JAZF1: variants seen among roughly 807,000 people sequenced by gnomAD.
JAZF1 encodes juxtaposed with another zinc finger protein 1.
Under a neutral mutation model 26.4 loss-of-function variants are expected in JAZF1, and 8 were observed. The observed-to-expected ratio is 0.30, with a 90% confidence interval of 0.18 to 0.55. JAZF1 has a LOEUF of 0.55. Among genes scored for constraint, JAZF1 ranks in the 20% least tolerant of loss-of-function variants. JAZF1 has a pLI of 0.94. For missense variants in JAZF1, 199 were observed against 322.0 expected (o/e 0.62, Z 2.92); for synonymous variants, 126 against 122.3 (o/e 1.03, Z -0.20).
chr7:27,853,488 G>A (rs1043363760), intron 3 of JAZF1, among the ~76,000 whole-genome samples: 2 of 152,176 alleles, frequency 1.3e-5, no homozygotes, highest in African/African-American at 4.8e-5. Flanking sequence ...GTCCTGTCCA[G>A]AGTTGGTTCT....
intron 1 of JAZF1, among the ~76,000 whole-genome samples, chr7:28,004,107 G>A (rs1192101248): frequency 2.0e-5 from 3 of 152,118 alleles, no homozygotes; most frequent in Admixed American, 6.6e-5. Flanking sequence ...TAGTGTAGAA[G>A]TATCAGCTTT....
chr7:28,034,103 T>C (rs1583520872), intron 1 of JAZF1, among the ~76,000 whole-genome samples: 1 of 152,000 alleles, frequency 6.6e-6, no homozygotes, highest in Non-Finnish European at 1.5e-5. Context: ...CCAATACCTC[T>C]CTAAAAAAAA....
intron 1 of JAZF1, among the ~76,000 whole-genome samples, chr7:27,997,391 A>G (rs1786038548): frequency 6.6e-6 from 1 of 152,184 alleles, no homozygotes; most frequent in Non-Finnish European, 1.5e-5. Flanking sequence ...CCCAATAACA[A>G]TGGTAACCAG....
chr7:27,976,471 G>A (rs1253673805), intron 2 of JAZF1, among the ~76,000 whole-genome samples: 1 of 151,790 alleles, frequency 6.6e-6, no homozygotes, highest in Non-Finnish European at 1.5e-5. Flanking sequence ...TTCAACTGAT[G>A]TCCATAAAAA....
Position 28,142,470 on chromosome 7 carries a change from C to T in JAZF1, c.115+37993G>A, listed in dbSNP as rs151276419. 1.1e-4 allele frequency among the ~76,000 whole-genome samples: 17 copies of T among 152,330 alleles called. No individual in the cohort carries two copies. The East Asian group carries it at 3.1e-3, about 28-fold the overall frequency. On this transcript the variant is annotated intron_variant, in intron 1 of 4. Coordinates refer to ENST00000283928, the MANE Select transcript of JAZF1 (RefSeq NM_175061.4). ...CTTTAAAATAAAGACTTAGGGAGCA[C>T]TGACCACCAGGAGTCAGAAATAAGT...
intron 4 of JAZF1, among the ~76,000 whole-genome samples, chr7:27,837,361 C>T (rs1782834935): frequency 6.6e-6 from 1 of 152,228 alleles, no homozygotes. Context: ...GCCTGGAACG[C>T]CTCTGGGAAG....
At chr7:28,001,636 A>C (rs745576140) in intron 1 of JAZF1, among the ~76,000 whole-genome samples, 14 of 152,230 alleles carry the variant, frequency 9.2e-5, no homozygotes, top group African/African-American at 1.2e-4. Context: ...GGTGGCAAGA[A>C]GTCAGTGGGG....
intron 1 of JAZF1, chr7:28,180,238 C>A (rs1200003257): frequency 7.2e-6 from 1 of 138,644 alleles, no homozygotes; most frequent in Non-Finnish European, 1.6e-5. Context: ...CGCCCGCCCG[C>A]CCGCGGCACC....
At chr7:28,082,669 A>C (rs1385433236) in intron 1 of JAZF1, among the ~76,000 whole-genome samples, 4 of 152,102 alleles carry the variant, frequency 2.6e-5, no homozygotes, top group Non-Finnish European at 5.9e-5. Context: ...ATGTCCCACC[A>C]GACACCCATG....
intron 1 of JAZF1, among the ~76,000 whole-genome samples, chr7:28,085,009 G>A (rs1784192725): frequency 6.6e-6 from 1 of 152,136 alleles, no homozygotes; most frequent in Admixed American, 6.6e-5. Context: ...GTCCCCACTT[G>A]GAGGAAGGCC....
At chr7:28,073,979 TA>T (rs34830661) in intron 1 of JAZF1, among the ~76,000 whole-genome samples, 56,638 of 148,190 alleles carry the variant, frequency 0.38, 11,732 homozygotes, top group Admixed American at 0.55. Context: ...TTTACTTAGT[TA>T]AAAAAAAAAA....
At chr7:27,915,918 T>G (rs918971605) in intron 2 of JAZF1, among the ~76,000 whole-genome samples, 10 of 152,218 alleles carry the variant, frequency 6.6e-5, no homozygotes, top group Non-Finnish European at 1.2e-4. Context: ...AAGAGAAGAT[T>G]TGATTCTGAA....
At chr7:28,090,804 CTT>C (rs1784281783) in intron 1 of JAZF1, among the ~76,000 whole-genome samples, 1 of 145,134 alleles carries the variant, frequency 6.9e-6, no homozygotes, top group South Asian at 2.2e-4. Context: ...ATTCCACAGA[CTT>C]TTTTTTAGTT....
rs747779021 is a variant in JAZF1, at chr7:27,831,922, T to TCACA, written c.*874_*877dup. 2 of 218,140 alleles carry TCACA rather than the reference T, an allele frequency of 9.2e-6. No homozygotes were observed. The highest frequency in any genetic ancestry group is 1.8e-5 in the Non-Finnish European group (2 of 108,364). 13.5% of individuals were successfully genotyped at this position (218,140 alleles called of 1,614,324 possible). A position where few individuals can be genotyped will look rare whatever the true frequency, so the allele number is the denominator to read the frequency against. On this transcript the variant is annotated 3_prime_UTR_variant, in exon 5 of 5. Transcript: ENST00000283928. ...CTGAAGATGAAGATATAACTAAACT[T>TCACA]CACACACACACACTTTGCACTGAAG...
chr7:28,124,436 G>A (rs760995138), intron 1 of JAZF1, among the ~76,000 whole-genome samples: 5 of 152,192 alleles, frequency 3.3e-5, no homozygotes, highest in Non-Finnish European at 5.9e-5. Flanking sequence ...GGAAGGAAGA[G>A]GTTCCAAGTA....
intron 3 of JAZF1, among the ~76,000 whole-genome samples, chr7:27,891,065 C>T (rs1358842132): frequency 6.6e-6 from 1 of 152,196 alleles, no homozygotes; most frequent in Non-Finnish European, 1.5e-5. Context: ...GCTGGGATTA[C>T]AGGCGTGAGC....
At chr7:27,978,013 T>G (rs1244625257) in intron 2 of JAZF1, among the ~76,000 whole-genome samples, 1 of 152,242 alleles carries the variant, frequency 6.6e-6, no homozygotes, top group Non-Finnish European at 1.5e-5. Context: ...GATGGAAATT[T>G]AATTATTTAA....
intron 3 of JAZF1, among the ~76,000 whole-genome samples, chr7:27,844,909 T>C (rs969490806): frequency 6.6e-6 from 1 of 152,070 alleles, no homozygotes; most frequent in Admixed American, 6.5e-5. Flanking sequence ...ATGGCAAACT[T>C]TTACCCAACA....
intron 4 of JAZF1, among the ~76,000 whole-genome samples, chr7:27,838,326 T>C (rs1032260589): frequency 6.6e-6 from 1 of 152,148 alleles, no homozygotes; most frequent in Non-Finnish European, 1.5e-5. Context: ...GGAGTTAACA[T>C]GGGAAGGAAA....
Sources: gnomAD v4.1 joint callset for allele counts (sites outside exome capture counted in the v4.1 genomes callset) on GRCh38, gnomAD v4.1.1 for gene constraint, MANE v1.5 for transcripts, NCBI Gene and HGNC (gene_info 2026-07-23, HGNC 2026-07-21) for gene names.